The following NRG3 variants were observed in gnomAD, a reference collection of about 807,000 sequenced individuals.
NRG3 encodes the protein neuregulin 3, also known as pro-neuregulin-3, membrane-bound isoform.
In NRG3, 31 loss-of-function variants were observed where a neutral mutation model predicts 66.9. That is an observed-to-expected ratio of 0.46 (90% CI 0.35 to 0.63). NRG3 has a LOEUF of 0.63. NRG3 is among the 20% of genes least tolerant of loss of function. The pLI, the probability that NRG3 is intolerant of heterozygous loss-of-function variation, is 0.00. For synonymous variants in NRG3, 393 were observed against 359.4 expected (o/e 1.09, Z -1.06); for missense variants, 910 against 878.9 (o/e 1.04, Z -0.45).
intron 2 of NRG3, among the ~76,000 whole-genome samples, chr10:82,532,607 A>ATATAGTACTATATATGTATATATGTG (rs1565036048): frequency 6.1e-5 from 9 of 147,446 alleles, no homozygotes; most frequent in South Asian, 2.1e-4. Flanking sequence ...GTATATATGT[A>ATATAGTACTATATATGTATATATGTG]TATAGTACTA....
chr10:82,068,434 T>G (rs1056523846), intron 1 of NRG3, among the ~76,000 whole-genome samples: 2 of 152,214 alleles, frequency 1.3e-5, no homozygotes, highest in African/African-American at 4.8e-5. Context: ...AGGCTCTGTA[T>G]TAGGTACCCA....
chr10:82,649,311 T>G (rs78440163), intron 2 of NRG3, among the ~76,000 whole-genome samples: 16,155 of 152,088 alleles, frequency 0.11, 970 homozygotes, highest in East Asian at 0.23. Flanking sequence ...AATATTTACA[T>G]ATAAACAGGC....
At chr10:82,261,991 T>G (rs2078055391) in intron 1 of NRG3, among the ~76,000 whole-genome samples, 1 of 152,144 alleles carries the variant, frequency 6.6e-6, no homozygotes, top group Non-Finnish European at 1.5e-5. Context: ...TTACTCCTGC[T>G]CTCACCATGT....
At chr10:82,285,511 G>T (rs1302459980) in intron 1 of NRG3, among the ~76,000 whole-genome samples, 1 of 152,118 alleles carries the variant, frequency 6.6e-6, no homozygotes, top group Non-Finnish European at 1.5e-5. Context: ...TTAATAAACT[G>T]ATGAATGTTA....
At chr10:82,725,239 T>A (rs1441724256) in intron 2 of NRG3, among the ~76,000 whole-genome samples, 2 of 152,220 alleles carry the variant, frequency 1.3e-5, no homozygotes, top group Non-Finnish European at 2.9e-5. Context: ...CATGCTGGTA[T>A]GGTTTGTTCA....
intron 2 of NRG3, among the ~76,000 whole-genome samples, chr10:82,409,051 T>C (rs572505987): frequency 9.1e-4 from 138 of 152,212 alleles, no homozygotes; most frequent in Non-Finnish European, 1.6e-3. Context: ...TAATAGGGGA[T>C]CTGTATTTTA....
At chr10:82,867,893 C>T (rs1840915064) in intron 4 of NRG3, among the ~76,000 whole-genome samples, 1 of 152,104 alleles carries the variant, frequency 6.6e-6, no homozygotes, top group African/African-American at 2.4e-5. Flanking sequence ...CTAATGATGG[C>T]AGTGATTCGT....
intron 1 of NRG3, among the ~76,000 whole-genome samples, chr10:82,220,323 A>T (rs2075881505): frequency 1.3e-5 from 2 of 152,146 alleles, no homozygotes; most frequent in African/African-American, 2.4e-5. Flanking sequence ...AGCAACTAAA[A>T]GGTCTTAGGA....
At chr10:82,085,723 G>A (rs138301113) in intron 1 of NRG3, among the ~76,000 whole-genome samples, 5,725 of 151,728 alleles carry the variant, frequency 0.038, 147 homozygotes, top group East Asian at 0.1. Flanking sequence ...TGCAACCTTC[G>A]CCTTCTGGGT....
chr10:82,352,884 G>GTT (rs200054765), intron 1 of NRG3, among the ~76,000 whole-genome samples: 15 of 138,568 alleles, frequency 1.1e-4, no homozygotes, highest in African/African-American at 2.1e-4. Context: ...TTGCTATGTG[G>GTT]TTTTTTTTTT....
At chr10:82,352,999 A>G (rs1042875561) in intron 1 of NRG3, among the ~76,000 whole-genome samples, 2 of 151,844 alleles carry the variant, frequency 1.3e-5, no homozygotes, top group Admixed American at 1.3e-4. Flanking sequence ...GTAAGATGAG[A>G]TGGAAAGAAG....
chr10:82,361,745 G>A (rs1203697306), intron 2 of NRG3, among the ~76,000 whole-genome samples: 1 of 152,132 alleles, frequency 6.6e-6, no homozygotes, highest in East Asian at 1.9e-4. Flanking sequence ...GCTACCAGGA[G>A]TATGTTTATG....
intron 1 of NRG3, among the ~76,000 whole-genome samples, chr10:82,066,723 C>T (rs867910711): frequency 1.9e-4 from 29 of 152,284 alleles, no homozygotes; most frequent in Non-Finnish European, 2.8e-4. Flanking sequence ...TCTCTCTACA[C>T]CAGTGAGTAT....
chr10:82,691,927 G>A (rs999619160), intron 2 of NRG3, among the ~76,000 whole-genome samples: 1 of 152,116 alleles, frequency 6.6e-6, no homozygotes, highest in Non-Finnish European at 1.5e-5. Flanking sequence ...CCTCAAATAA[G>A]ATTTTCCTGG....
chr10:82,647,454 G>T (rs368207083), intron 2 of NRG3, among the ~76,000 whole-genome samples: 1 of 152,136 alleles, frequency 6.6e-6, no homozygotes, highest in East Asian at 1.9e-4. Flanking sequence ...GAATAGAGCT[G>T]CAATAAACAT....
chr10:82,243,544 G>T (rs75003886), intron 1 of NRG3, among the ~76,000 whole-genome samples: 1 of 151,934 alleles, frequency 6.6e-6, no homozygotes, highest in Non-Finnish European at 1.5e-5. Context: ...GTCAAATCCC[G>T]GTGATTAGTA....
At chr10:82,946,510 G>C (rs1849037360) in intron 4 of NRG3, among the ~76,000 whole-genome samples, 1 of 151,916 alleles carries the variant, frequency 6.6e-6, no homozygotes, top group Non-Finnish European at 1.5e-5. Flanking sequence ...CTGCACTCCA[G>C]GCTGGTGACA....
At chr10:82,045,364 T>C (rs1360485587) in intron 1 of NRG3, among the ~76,000 whole-genome samples, 1 of 92,372 alleles carries the variant, frequency 1.1e-5, no homozygotes, top group Admixed American at 1.4e-4. Flanking sequence ...ATAAATGTCT[T>C]CTTTTGAGAA....
chr10:82,358,960 G>C, intron 2 of NRG3, 92 bp downstream of exon 2: 4 of 1,549,732 alleles, frequency 2.6e-6, no homozygotes, highest in South Asian at 1.1e-5. Flanking sequence ...TGTCATATCC[G>C]GGATACACAC....
Sources: gnomAD v4.1 joint callset for allele counts (sites outside exome capture counted in the v4.1 genomes callset) on GRCh38, gnomAD v4.1.1 for gene constraint, MANE v1.5 for transcripts, NCBI Gene and HGNC (gene_info 2026-07-23, HGNC 2026-07-21) for gene names.